The following ARHGAP22 variants were observed in gnomAD, a reference collection of about 807,000 sequenced individuals.
The protein encoded by ARHGAP22 is Rho GTPase activating protein 22, also known as rho GTPase-activating protein 22.
Under a neutral mutation model 59.1 loss-of-function variants are expected in ARHGAP22, and 48 were observed. The ratio of observed to expected loss-of-function variants is 0.81; its 90% CI spans 0.64 to 1.03. The LOEUF (loss-of-function observed/expected upper bound fraction) is 1.03, where lower values mean the gene tolerates loss of function less well. ARHGAP22 is among the 50% of genes least tolerant of loss of function. The probability of loss-of-function intolerance (pLI) is 0.00; values close to 1 mark genes in which losing one functional copy is unlikely to be tolerated. For synonymous variants in ARHGAP22, 445 were observed against 416.4 expected, an observed-to-expected ratio of 1.07 and a Z score of -0.84; for missense variants, 1,015 against 958.7, an observed-to-expected ratio of 1.06 and a Z score of -0.78.
the ARHGAP22 span, chr10:48,437,996 CTT>C: frequency 6.6e-6 from 1 of 152,242 alleles, no homozygotes; most frequent in Non-Finnish European, 1.5e-5. Flanking sequence ...ACAGATAAGA[CTT>C]GGTTTACACT....
chr10:48,435,133 A>C, the ARHGAP22 span: 1 of 889,506 alleles, frequency 1.1e-6, no homozygotes, highest in South Asian at 2.4e-5. Context: ...GATTTTTCAA[A>C]AAATGTAGAA....
intron 3 of ARHGAP22, among the ~76,000 whole-genome samples, chr10:48,523,700 T>G (rs919612440): frequency 4.0e-5 from 6 of 151,662 alleles, no homozygotes; most frequent in African/African-American, 1.5e-4. Context: ...CGGGGGTTCC[T>G]CCGTCCCGGC....
downstream of ARHGAP22, among the ~76,000 whole-genome samples, chr10:48,442,380 T>A (rs1382971216): frequency 6.6e-6 from 1 of 152,236 alleles, no homozygotes; most frequent in Non-Finnish European, 1.5e-5. Context: ...CTCAGCACCC[T>A]GGTGTACAGG....
intron 3 of ARHGAP22, among the ~76,000 whole-genome samples, chr10:48,514,900 T>C (rs2053143206): frequency 6.6e-6 from 1 of 152,138 alleles, no homozygotes; most frequent in Admixed American, 6.5e-5. Flanking sequence ...AAGAGGCTAA[T>C]TGTAATCCCC....
At chr10:48,571,461 C>T (rs1040592010) in intron 2 of ARHGAP22, among the ~76,000 whole-genome samples, 1 of 152,166 alleles carries the variant, frequency 6.6e-6, no homozygotes, top group East Asian at 1.9e-4. Context: ...TTGAGGGGAC[C>T]GTCACTCTCC....
rs7092959 is a variant in ARHGAP22, at chr10:48,453,298, A to G, written c.988+6T>C. On this transcript the variant is annotated splice_donor_region_variant and intron_variant, in intron 8 of 9. Coordinates refer to ENST00000249601, the MANE Select transcript of ARHGAP22 (RefSeq NM_021226.4). ...CCCAGGGCCACCAGGTACACCTCCCACTTACCTTCCATGATGGTTACTGGG... is the reference window on the plus strand; with the variant it reads ...CCCAGGGCCACCAGGTACACCTCCCGCTTACCTTCCATGATGGTTACTGGG... 0.92 allele frequency: 1,491,310 copies of G among 1,613,272 alleles called. 694,489 individuals carry two copies. The highest frequency in any genetic ancestry group is 1 in the East Asian group (44,679 of 44,866).
chr10:48,654,167 G>C (rs2062666866), upstream of ARHGAP22, among the ~76,000 whole-genome samples: 1 of 152,194 alleles, frequency 6.6e-6, no homozygotes. Flanking sequence ...GCTGGATCCA[G>C]CAGCTTGACA....
At chr10:48,585,134 C>T (rs934487176) in intron 1 of ARHGAP22, among the ~76,000 whole-genome samples, 4 of 152,178 alleles carry the variant, frequency 2.6e-5, no homozygotes, top group Non-Finnish European at 2.9e-5. Context: ...GACTAAAACC[C>T]CTCGTGGACT....
intron 3 of ARHGAP22, chr10:48,524,380 C>A (rs2054130923): frequency 6.5e-6 from 1 of 153,154 alleles, no homozygotes; most frequent in South Asian, 2.1e-4. Context: ...GGGGCGGCCC[C>A]GCGCTGCTCC....
chr10:48,556,876 C>A (rs948515723), intron 2 of ARHGAP22, among the ~76,000 whole-genome samples: 1 of 152,126 alleles, frequency 6.6e-6, no homozygotes, highest in Admixed American at 6.5e-5. Flanking sequence ...CCTGCCTCTA[C>A]CCCCATGTGT....
At chr10:48,473,805 C>T (rs1459302184) in intron 4 of ARHGAP22, among the ~76,000 whole-genome samples, 1 of 152,232 alleles carries the variant, frequency 6.6e-6, no homozygotes, top group Non-Finnish European at 1.5e-5. Context: ...TAAACCCCTT[C>T]CTATGCATAT....
At chr10:48,528,229 A>T (rs143583797) in intron 3 of ARHGAP22, among the ~76,000 whole-genome samples, 2 of 152,230 alleles carry the variant, frequency 1.3e-5, no homozygotes, top group African/African-American at 4.8e-5. Context: ...CCAATGCAGG[A>T]GTCTGGATTG....
At chr10:48,518,403 T>C (rs886722196) in intron 3 of ARHGAP22, among the ~76,000 whole-genome samples, 2 of 152,190 alleles carry the variant, frequency 1.3e-5, no homozygotes, top group African/African-American at 4.8e-5. Flanking sequence ...TAATGACACA[T>C]GTATATTTAC....
At chr10:48,552,521 C>T (rs574761654) in intron 3 of ARHGAP22, among the ~76,000 whole-genome samples, 29 of 152,350 alleles carry the variant, frequency 1.9e-4, no homozygotes, top group South Asian at 1.7e-3. Context: ...ACATTTACCC[C>T]GGGGGCTGTG....
downstream of ARHGAP22, chr10:48,445,472 AAAGG>A (rs1390031586): frequency 1.3e-5 from 2 of 152,246 alleles, no homozygotes; most frequent in Non-Finnish European, 2.9e-5. Flanking sequence ...TGTGGGTGGG[AAAGG>A]CTTTCTGGAG....
At chr10:48,597,965 C>T (rs563056970) in intron 1 of ARHGAP22, among the ~76,000 whole-genome samples, 15 of 152,210 alleles carry the variant, frequency 9.9e-5, no homozygotes, top group East Asian at 1.9e-4. Context: ...TCCTGGCCCA[C>T]GCCTAACTCA....
intron 1 of ARHGAP22, among the ~76,000 whole-genome samples, chr10:48,602,542 G>C (rs1441424446): frequency 1.3e-5 from 2 of 152,144 alleles, no homozygotes; most frequent in Non-Finnish European, 2.9e-5. Flanking sequence ...TGAAAGATGA[G>C]GCCAAATTTC....
intron 4 of ARHGAP22, among the ~76,000 whole-genome samples, chr10:48,473,595 T>C (rs1815598003): frequency 6.6e-6 from 1 of 152,154 alleles, no homozygotes; most frequent in African/African-American, 2.4e-5. Flanking sequence ...GTCCATTTTC[T>C]CTCTTAATTC....
chr10:48,494,022 C>A (rs929522388), intron 3 of ARHGAP22, among the ~76,000 whole-genome samples: 2 of 152,240 alleles, frequency 1.3e-5, no homozygotes, highest in African/African-American at 2.4e-5. Flanking sequence ...TTTCCATTTT[C>A]TCATCAGCAA....
Sources: allele counts gnomAD v4.1 joint callset (sites outside exome capture counted in the v4.1 genomes callset), GRCh38; gene constraint gnomAD v4.1.1; transcripts MANE v1.5; gene names NCBI Gene and HGNC (gene_info 2026-07-23, HGNC 2026-07-21).